The following TBC1D16 variants were observed in gnomAD, a reference collection of about 807,000 sequenced individuals.
The protein encoded by TBC1D16 is CTD-2529O21.1.
In TBC1D16, 58 loss-of-function variants were observed where a neutral mutation model predicts 74.7. The ratio of observed to expected loss-of-function variants is 0.78; its 90% CI spans 0.63 to 0.97. TBC1D16 has a LOEUF of 0.97. Ranked by LOEUF, TBC1D16 falls within the 50% of genes least tolerant of loss-of-function variation. The pLI, the probability that TBC1D16 is intolerant of heterozygous loss-of-function variation, is 0.00. For synonymous variants in TBC1D16, 493 were observed against 474.7 expected, an observed-to-expected ratio of 1.04 and a Z score of -0.50; for missense variants, 1,014 against 1,079.5, an observed-to-expected ratio of 0.94 and a Z score of 0.85.
chr17:80,006,544 G>A (rs1249287480), intron 3 of TBC1D16, among the ~76,000 whole-genome samples: 1 of 152,134 alleles, frequency 6.6e-6, no homozygotes, highest in Non-Finnish European at 1.5e-5. Context: ...CTGCTTCCTG[G>A]GTCTACCATG....
At chr17:79,942,255 C>G in intron 10 of TBC1D16, 49 bp from the exon 11 acceptor site, 2 of 1,539,472 alleles carry the variant, frequency 1.3e-6, no homozygotes, top group Non-Finnish European at 8.8e-7. Context: ...GAGCCCCAGG[C>G]CCTGCACTCA....
chr17:80,004,506 C>G (rs943178914), intron 3 of TBC1D16, among the ~76,000 whole-genome samples: 1 of 152,180 alleles, frequency 6.6e-6, no homozygotes, highest in African/African-American at 2.4e-5. Flanking sequence ...GGGGTAAGAT[C>G]TCAGGGGTTC....
chr17:80,016,814 T>C (rs117075918), intron 1 of TBC1D16, among the ~76,000 whole-genome samples: 2,464 of 152,352 alleles, frequency 0.016, 35 homozygotes, highest in Middle Eastern at 0.058. Context: ...ATTGTCTCCA[T>C]GGCTGCTGAC....
rs937276673 is a variant in TBC1D16, at chr17:79,957,818, G to T, written c.780-5000C>A. ...TTCTCTGTACCCTTCACTCAGTTTT[G>T]CTGTGAAACTAAAACAGCTTCAAAA... On this transcript the variant is annotated intron_variant, in intron 3 of 11. Coordinates refer to ENST00000310924, the MANE Select transcript of TBC1D16 (RefSeq NM_019020.4). Among the ~76,000 whole-genome samples the T allele has an allele frequency of 8.0e-5, 12 of 150,878 alleles. No individual in the cohort carries two copies. In the East Asian group the frequency reaches 2.3e-3, roughly 29 times the overall value.
chr17:79,980,408 C>T lies in TBC1D16; in HGVS notation c.780-27590G>A, dbSNP rs7209472. ...CCTTCCTTCCCGGAGGAACAAGACA[C>T]TAAGAAGAGGTTCCCAGGGGAACAT... is the stretch of plus-strand genomic sequence containing the variant. On this transcript the variant is annotated intron_variant, in intron 3 of 11. Coordinates refer to ENST00000310924, the MANE Select transcript of TBC1D16 (RefSeq NM_019020.4). The surrounding 1 kb of genome is among the most constrained non-coding windows in gnomAD (Gnocchi z 7.0). Among the ~76,000 whole-genome samples the T allele has an allele frequency of 1.3e-5, 2 of 152,164 alleles. No individual in the cohort carries two copies. Among genetic ancestry groups the T allele is most frequent in the Non-Finnish European group, 2.9e-5 (2 of 68,034 alleles).
At chr17:80,011,608 C>T (rs2035895476) in intron 2 of TBC1D16, among the ~76,000 whole-genome samples, 1 of 152,128 alleles carries the variant, frequency 6.6e-6, no homozygotes, top group Admixed American at 6.5e-5. Context: ...GGGTGGATCA[C>T]GAGGTCAGGA....
At position 79,964,418 on chromosome 17, in the gene TBC1D16, G is replaced by A. The variant is rs1003143016; in HGVS notation, c.780-11600C>T. On this transcript the variant is annotated intron_variant, in intron 3 of 11. Coordinates refer to ENST00000310924, the MANE Select transcript of TBC1D16 (RefSeq NM_019020.4). ...CTCTGCTGATAGTATATTTTGATGC[G>A]CACATTTTTAAATTTTTCATGAGGT... Among the ~76,000 whole-genome samples the A allele has an allele frequency of 5.3e-5, 8 of 152,168 alleles. No homozygotes were observed. In the East Asian group the frequency reaches 5.8e-4, roughly 11 times the overall value.
chr17:79,936,501 CTCA>C lies in TBC1D16; in HGVS notation c.*4355_*4357del, dbSNP rs748107670. The stretch of plus-strand genomic sequence containing the variant: ...GCCTGGGCAGGCAGGCATCATTATT[CTCA>C]TGTTACAGGTGAGGAAACTGAGGCT... On this transcript the variant is annotated 3_prime_UTR_variant, in exon 12 of 12. Coordinates refer to ENST00000310924, the MANE Select transcript of TBC1D16 (RefSeq NM_019020.4). 6.6e-6 allele frequency: 1 copy of C among 152,314 alleles called. No homozygotes were observed. The highest frequency in any genetic ancestry group is 1.5e-5 in the Non-Finnish European group (1 of 68,158). The allele number at this position is 152,314 out of a possible 1,614,324, so 9.4% of individuals were successfully genotyped here.
chr17:79,947,468 G>C (rs1443078553), intron 9 of TBC1D16, among the ~76,000 whole-genome samples, 177 bp downstream of exon 9: 1 of 152,162 alleles, frequency 6.6e-6, no homozygotes, highest in Non-Finnish European at 1.5e-5. Flanking sequence ...GCCATCCCCG[G>C]AGGCCGAGAT....
intron 3 of TBC1D16, among the ~76,000 whole-genome samples, chr17:79,968,478 T>C (rs750291692): frequency 2.6e-5 from 4 of 152,156 alleles, no homozygotes; most frequent in Non-Finnish European, 5.9e-5. Context: ...ACATAGATAC[T>C]TTGATATGAC....
At chr17:80,005,088 G>GT (rs2035625399) in intron 3 of TBC1D16, among the ~76,000 whole-genome samples, 1 of 150,660 alleles carries the variant, frequency 6.6e-6, no homozygotes, top group Non-Finnish European at 1.5e-5. Context: ...TGTTGTTGTT[G>GT]TTTTTGTTTT....
At chr17:80,020,900 A>T (rs1431163588) in intron 1 of TBC1D16, among the ~76,000 whole-genome samples, 1 of 150,060 alleles carries the variant, frequency 6.7e-6, no homozygotes, top group East Asian at 1.9e-4. Flanking sequence ...TCACACTTGT[A>T]ATTCCAACAA....
rs1182099698 is a variant in TBC1D16, at chr17:80,035,860, T to C, written c.-128A>G. On this transcript the variant is annotated 5_prime_UTR_variant, in exon 1 of 12. Coordinates refer to ENST00000310924, the MANE Select transcript of TBC1D16 (RefSeq NM_019020.4). The surrounding 1 kb of genome is among the most constrained non-coding windows in gnomAD (Gnocchi z 5.3). ...GAGCCGCCACCGTCGCCTCCGCCGC[T>C]GCCGCCGCCAGTGAGGCGCGGCGGG... 4.8e-5 allele frequency: 7 copies of C among 146,122 alleles called. No homozygotes were observed. In the East Asian group the frequency reaches 1.2e-3, roughly 25 times the overall value. 9.1% of individuals were successfully genotyped at this position (146,122 alleles called of 1,614,324 possible).
At chr17:79,942,423 G>A (rs886832858) in intron 10 of TBC1D16, among the ~76,000 whole-genome samples, 1 of 151,684 alleles carries the variant, frequency 6.6e-6, no homozygotes, top group Non-Finnish European at 1.5e-5. Flanking sequence ...GTACCCGCAT[G>A]CCCAGGCTGC....
In TBC1D16 at chr17:79,956,666, C is replaced by G. The variant is rs2143822114; in HGVS notation, c.780-3848G>C. Among the ~76,000 whole-genome samples, 1 of 152,244 alleles carries G rather than the reference C, an allele frequency of 6.6e-6. No individual in the cohort carries two copies. The highest frequency in any genetic ancestry group is 2.4e-5 in the African/African-American group (1 of 41,544). On this transcript the variant is annotated intron_variant, in intron 3 of 11. Coordinates refer to ENST00000310924, the MANE Select transcript of TBC1D16 (RefSeq NM_019020.4). The surrounding 1 kb of genome is among the most constrained non-coding windows in gnomAD (Gnocchi z 4.0). ...AAAAAGCTTGAAGGGGAGGAAGAAACCTTCAAACATATTGAGCTGTGGTTC... is the reference window on the plus strand; with the variant it reads ...AAAAAGCTTGAAGGGGAGGAAGAAAGCTTCAAACATATTGAGCTGTGGTTC...
rs2033347441 is a variant in TBC1D16, at chr17:79,956,558, G to A, written c.780-3740C>T. Among the ~76,000 whole-genome samples the A allele has an allele frequency of 6.6e-6, 1 of 152,160 alleles. No individual in the cohort carries two copies. The highest frequency in any genetic ancestry group is 2.1e-4 in the South Asian group (1 of 4,830). The stretch of plus-strand genomic sequence containing the variant: ...CGTGAGCCACCACGCTGGGCCCGGT[G>A]GTCGCTTTAAGTTGCTGAGTTTGAG... On this transcript the variant is annotated intron_variant, in intron 3 of 11. Transcript: ENST00000310924. This position sits in a 1 kb window ranked among gnomAD's most constrained non-coding sequence, Gnocchi z 4.0.
In TBC1D16 at chr17:79,975,444, C is replaced by T. The variant is rs2034292733; in HGVS notation, c.780-22626G>A. Among the ~76,000 whole-genome samples, 1 of 152,162 alleles carries T rather than the reference C, an allele frequency of 6.6e-6. No individual in the cohort carries two copies. The highest frequency in any genetic ancestry group is 2.4e-5 in the African/African-American group (1 of 41,438). ...GGCCTACTTAAAAGGCTGCTGAGAG[C>T]CAGCCAGGTGTTCTTTAAGCCCCTG... is the stretch of plus-strand genomic sequence containing the variant. On this transcript the variant is annotated intron_variant, in intron 3 of 11. Coordinates refer to ENST00000310924, the MANE Select transcript of TBC1D16 (RefSeq NM_019020.4). The surrounding 1 kb of genome is among the most constrained non-coding windows in gnomAD (Gnocchi z 4.5).
At position 79,960,878 on chromosome 17, in the gene TBC1D16, C is replaced by T. The variant is rs534026897; in HGVS notation, c.780-8060G>A. Among the ~76,000 whole-genome samples, 8 of 132,566 alleles carry T rather than the reference C, an allele frequency of 6.0e-5. No individual in the cohort carries two copies. The South Asian group carries it at 7.5e-4, about 12-fold the overall frequency. The allele number at this position is 132,566 out of a possible 152,430, so 87.0% of individuals were successfully genotyped here. ...GCAACAGAACTCTCCTACAATGTGA[C>T]GGGAAGTCAAATGACAGAACCACTC... On this transcript the variant is annotated intron_variant, in intron 3 of 11. Coordinates refer to ENST00000310924, the MANE Select transcript of TBC1D16 (RefSeq NM_019020.4).
At chr17:80,031,895 A>C (rs752424371) in intron 1 of TBC1D16, among the ~76,000 whole-genome samples, 3 of 152,220 alleles carry the variant, frequency 2.0e-5, no homozygotes, top group Non-Finnish European at 2.9e-5. Flanking sequence ...AGCATCTGTC[A>C]GTGAAGGAGC....
Sources: gnomAD v4.1 joint callset for allele counts (sites outside exome capture counted in the v4.1 genomes callset) on GRCh38, gnomAD v4.1.1 for gene constraint, Gnocchi (gnomAD v3.1) non-coding constraint, MANE v1.5 for transcripts, NCBI Gene and HGNC (gene_info 2026-07-23, HGNC 2026-07-21) for gene names.